Variants in MLLT3 observed in about 807,000 individuals in gnomAD.
The protein encoded by MLLT3 is protein AF-9.
Under a neutral mutation model 53.2 loss-of-function variants are expected in MLLT3, and 4 were observed. That is an observed-to-expected ratio of 0.08 (90% CI 0.04 to 0.17). MLLT3 has a LOEUF of 0.17. Among genes scored for constraint, MLLT3 ranks in the 10% least tolerant of loss-of-function variants. The pLI is 1.00. For synonymous variants in MLLT3, 283 were observed against 230.6 expected (o/e 1.23, Z -2.06); for missense variants, 569 against 684.0 (o/e 0.83, Z 1.87).
intron 3 of MLLT3, among the ~76,000 whole-genome samples, chr9:20,450,265 C>T (rs191131252): frequency 6.6e-6 from 1 of 152,298 alleles, no homozygotes; most frequent in Non-Finnish European, 1.5e-5. Context: ...CTAAGGCCTA[C>T]TGTCCTAGCT....
chr9:20,473,637 A>G (rs1056607509), intron 2 of MLLT3, among the ~76,000 whole-genome samples: 3 of 152,102 alleles, frequency 2.0e-5, no homozygotes, highest in Non-Finnish European at 4.4e-5. Context: ...TTCAAGCTTA[A>G]TCCACCAGAT....
intron 4 of MLLT3, among the ~76,000 whole-genome samples, chr9:20,422,198 C>A (rs941903285): frequency 6.6e-6 from 1 of 151,986 alleles, no homozygotes; most frequent in Admixed American, 6.6e-5. Context: ...ACAAAAAGGA[C>A]AAAAAATATT....
At chr9:20,375,642 C>CT (rs1194814383) in intron 5 of MLLT3, among the ~76,000 whole-genome samples, 2 of 131,974 alleles carry the variant, frequency 1.5e-5, no homozygotes, top group African/African-American at 5.8e-5. Context: ...GAGTCTTGCT[C>CT]TGTCACCCAG....
intron 2 of MLLT3, among the ~76,000 whole-genome samples, chr9:20,493,402 C>T (rs1445048371): frequency 6.6e-6 from 1 of 151,956 alleles, no homozygotes; most frequent in Non-Finnish European, 1.5e-5. Flanking sequence ...GAAATAACAT[C>T]CTTATCTTTT....
At position 20,595,824 on chromosome 9, in the gene MLLT3, T is replaced by C. The variant is rs182376172; in HGVS notation, c.193+24830A>G. ...TTTTTATCCCTCACAAAAGCACATATACTATCTGAATCCCACTGTAAAAAG... is the reference window on the plus strand; with the variant it reads ...TTTTTATCCCTCACAAAAGCACATACACTATCTGAATCCCACTGTAAAAAG... On this transcript the variant is annotated intron_variant, in intron 2 of 10. Coordinates refer to ENST00000380338, the MANE Select transcript of MLLT3 (RefSeq NM_004529.4). 1.3e-3 allele frequency among the ~76,000 whole-genome samples: 200 copies of C among 152,298 alleles called. 2 individuals carry two copies. Among genetic ancestry groups the C allele is most frequent in the African/African-American group, 4.7e-3 (194 of 41,566 alleles).
chr9:20,354,991 C>G (rs996204586), intron 8 of MLLT3, 112 bp from the exon 9 acceptor site: 12 of 541,664 alleles, frequency 2.2e-5, no homozygotes, highest in Non-Finnish European at 3.9e-5. Flanking sequence ...ATTTGCTTTC[C>G]AAATAGCATT....
intron 2 of MLLT3, among the ~76,000 whole-genome samples, chr9:20,565,962 ATATATTTATATATATATATATTTATT>A (rs1819355103): frequency 2.6e-5 from 1 of 37,748 alleles, no homozygotes; most frequent in Non-Finnish European, 4.7e-5. Context: ...ATTTATATAT[ATATATTTATATATATATATATTTATT>A]TATATATTTA....
chr9:20,566,758 C>T (rs944432777), intron 2 of MLLT3, among the ~76,000 whole-genome samples: 1 of 152,086 alleles, frequency 6.6e-6, no homozygotes, highest in East Asian at 1.9e-4. Flanking sequence ...TGTGTCCTTA[C>T]ATATGCTTGT....
chr9:20,620,978 G>C lies in MLLT3; in HGVS notation c.13-144C>G, dbSNP rs1405267672. 2 of 1,000,298 alleles carry C rather than the reference G, an allele frequency of 2.0e-6. No individual in the cohort carries two copies. Among genetic ancestry groups the C allele is most frequent in the East Asian group, 2.6e-5 (1 of 38,514 alleles). 62.0% of individuals were successfully genotyped at this position (1,000,298 alleles called of 1,614,324 possible). Reference sequence around the variant, plus strand: ...TGCCCTCTGCATCCACGTTTCACGCGCGTGGGCGCGCACACTCCACACCCC... The same window carrying C: ...TGCCCTCTGCATCCACGTTTCACGCCCGTGGGCGCGCACACTCCACACCCC... On this transcript the variant is annotated intron_variant, in intron 1 of 10. Coordinates refer to ENST00000380338, the MANE Select transcript of MLLT3 (RefSeq NM_004529.4). This position sits in a 1 kb window ranked among gnomAD's most constrained non-coding sequence, Gnocchi z 6.1.
chr9:20,472,085 A>T (rs1824408101), intron 2 of MLLT3, among the ~76,000 whole-genome samples: 1 of 152,052 alleles, frequency 6.6e-6, no homozygotes, highest in Non-Finnish European at 1.5e-5. Flanking sequence ...TTATCTCTCC[A>T]TGGCTTTAAT....
At chr9:20,464,831 T>C (rs1367768315) in intron 2 of MLLT3, among the ~76,000 whole-genome samples, 1 of 152,122 alleles carries the variant, frequency 6.6e-6, no homozygotes, top group Non-Finnish European at 1.5e-5. Context: ...CATTTCTTCC[T>C]TCCTAAACAT....
chr9:20,351,273 A>C (rs929820993), intron 10 of MLLT3, among the ~76,000 whole-genome samples: 1 of 152,156 alleles, frequency 6.6e-6, no homozygotes, highest in Non-Finnish European at 1.5e-5. Flanking sequence ...CTAAATTGCT[A>C]AACTACTCTC....
chr9:20,454,724 T>C (rs1042497711), intron 3 of MLLT3, among the ~76,000 whole-genome samples: 9 of 152,208 alleles, frequency 5.9e-5, no homozygotes, highest in Non-Finnish European at 1.0e-4. Flanking sequence ...AAAAGCACCA[T>C]ATGATCTTCA....
chr9:20,355,716 C>T (rs1043955833), intron 8 of MLLT3, among the ~76,000 whole-genome samples: 2 of 152,128 alleles, frequency 1.3e-5, no homozygotes, highest in South Asian at 2.1e-4. Context: ...TGTATAAACA[C>T]AAAAAGCAAA....
At chr9:20,598,595 C>A (rs577792933) in intron 2 of MLLT3, among the ~76,000 whole-genome samples, 1 of 152,214 alleles carries the variant, frequency 6.6e-6, no homozygotes, top group Non-Finnish European at 1.5e-5. Context: ...TGAAGCACTG[C>A]TCAGACAGTA....
chr9:20,441,962 A>G (rs1259233430), intron 4 of MLLT3, among the ~76,000 whole-genome samples: 2 of 152,156 alleles, frequency 1.3e-5, no homozygotes, highest in African/African-American at 4.8e-5. Flanking sequence ...GAAAACACAG[A>G]CCTTGGTTAA....
At chr9:20,577,529 C>T (rs903637935) in intron 2 of MLLT3, among the ~76,000 whole-genome samples, 15 of 152,156 alleles carry the variant, frequency 9.9e-5, no homozygotes, top group African/African-American at 3.6e-4. Context: ...ACAAAGAGCC[C>T]CAGGTTCAGC....
chr9:20,365,081 T>C (rs1198774395), intron 6 of MLLT3, among the ~76,000 whole-genome samples: 1 of 152,214 alleles, frequency 6.6e-6, no homozygotes, highest in Non-Finnish European at 1.5e-5. Context: ...TCAAAGCCTC[T>C]TAAAGCTTTT....
At chr9:20,600,679 C>T (rs1820398549) in intron 2 of MLLT3, among the ~76,000 whole-genome samples, 1 of 152,170 alleles carries the variant, frequency 6.6e-6, no homozygotes, top group African/African-American at 2.4e-5. Context: ...CCTTCACACA[C>T]CATCTTAAAC....
Sources: allele counts gnomAD v4.1 joint callset (sites outside exome capture counted in the v4.1 genomes callset), GRCh38; gene constraint gnomAD v4.1.1; non-coding constraint Gnocchi (gnomAD v3.1); transcripts MANE v1.5; gene names NCBI Gene and HGNC (gene_info 2026-07-23, HGNC 2026-07-21).